CCND3: variants seen among roughly 807,000 people sequenced by gnomAD.
CCND3 encodes G1/S-specific cyclin-D3.
A neutral mutation model predicts 28.7 loss-of-function variants in CCND3; 9 were observed. The observed-to-expected ratio is 0.31, with a 90% CI of 0.19 to 0.55. CCND3 has a LOEUF of 0.55. CCND3 is among the 20% of genes least tolerant of loss of function. CCND3 has a pLI of 0.93. For missense variants in CCND3, 315 were observed against 385.8 expected (o/e 0.82, Z 1.54); for synonymous variants, 164 against 163.9 (o/e 1.00, Z 0.00).
chr6:42,022,090 G>C (rs9471733), intron 1 of CCND3, among the ~76,000 whole-genome samples: 31,097 of 152,202 alleles, frequency 0.2, 3,606 homozygotes, highest in East Asian at 0.34. Context: ...TGAAACAGTC[G>C]TGTGAGATGA....
Position 41,941,765 on chromosome 6 carries a change from C to T in CCND3, c.-116G>A. 1 of 573,532 alleles carries T rather than the reference C, an allele frequency of 1.7e-6. No individual in the cohort carries two copies. Among genetic ancestry groups the T allele is most frequent in the South Asian group, 1.0e-4 (1 of 9,910 alleles). 35.5% of individuals were successfully genotyped at this position (573,532 alleles called of 1,614,324 possible). ...CTGGCGCTGGCACTGCGCGGCGGAT[C>T]CCCAGCCCGCCCGCCGCCCGCGCGC... On this transcript the variant is annotated 5_prime_UTR_variant, in exon 1 of 5. Coordinates refer to ENST00000372991, the MANE Select transcript of CCND3 (RefSeq NM_001760.5). This position sits in a 1 kb window ranked among gnomAD's most constrained non-coding sequence, Gnocchi z 6.1.
chr6:42,034,196 G>A (rs1764129774), intron 1 of CCND3, among the ~76,000 whole-genome samples: 1 of 150,120 alleles, frequency 6.7e-6, no homozygotes, highest in Non-Finnish European at 1.5e-5. Flanking sequence ...TGCCCAGGCT[G>A]GAGTGCAGTG....
At chr6:42,002,114 TA>T (rs55946125) in intron 1 of CCND3, among the ~76,000 whole-genome samples, 11 of 142,650 alleles carry the variant, frequency 7.7e-5, no homozygotes, top group African/African-American at 2.3e-4. Flanking sequence ...AAACTTTCTT[TA>T]AAAAAAAAAA....
chr6:42,034,665 A>C (rs1313758932), intron 1 of CCND3, among the ~76,000 whole-genome samples: 1 of 150,912 alleles, frequency 6.6e-6, no homozygotes, highest in Non-Finnish European at 1.5e-5. Context: ...ATTTTAGTAG[A>C]GATGGGGTTT....
chr6:42,019,748 TG>T (rs1293957352), intron 1 of CCND3, among the ~76,000 whole-genome samples: 2 of 152,120 alleles, frequency 1.3e-5, no homozygotes, highest in Admixed American at 1.3e-4. Context: ...CTATTTGTAA[TG>T]TGTTTTTACA....
At chr6:41,956,164 C>A (rs1360001041) in intron 1 of CCND3, among the ~76,000 whole-genome samples, 2 of 151,906 alleles carry the variant, frequency 1.3e-5, no homozygotes, top group African/African-American at 4.8e-5. Context: ...TGGTGGTGGG[C>A]CCCTGTAATC....
intron 1 of CCND3, among the ~76,000 whole-genome samples, chr6:42,014,810 T>C (rs1425195726): frequency 6.6e-6 from 1 of 152,206 alleles, no homozygotes; most frequent in Non-Finnish European, 1.5e-5. Flanking sequence ...CAGTGATTAT[T>C]TCTGAGTAGT....
At position 41,936,472 on chromosome 6, in the gene CCND3, G is replaced by T; in HGVS notation, c.711+87C>A. On this transcript the variant is annotated intron_variant, in intron 4 of 4. Coordinates refer to ENST00000372991, the MANE Select transcript of CCND3 (RefSeq NM_001760.5). The surrounding 1 kb of genome is among the most constrained non-coding windows in gnomAD (Gnocchi z 4.4). ...GAAACCAGGACTTGGGACCAGGTTGGGGTTGGAGGTTTCCCTCTACTGGAG... is the reference window on the plus strand; with the variant it reads ...GAAACCAGGACTTGGGACCAGGTTGTGGTTGGAGGTTTCCCTCTACTGGAG... The T allele has an allele frequency of 6.8e-7, 1 of 1,473,418 alleles. No homozygotes were observed. The highest frequency in any genetic ancestry group is 9.3e-7 in the Non-Finnish European group (1 of 1,072,436). 91.3% of individuals were successfully genotyped at this position (1,473,418 alleles called of 1,614,324 possible). A position where few individuals can be genotyped will look rare whatever the true frequency, so the allele number is the denominator to read the frequency against.
At chr6:42,019,619 A>G (rs535361969) in intron 1 of CCND3, among the ~76,000 whole-genome samples, 2 of 152,252 alleles carry the variant, frequency 1.3e-5, no homozygotes, top group South Asian at 4.1e-4. Context: ...TGAAACTATC[A>G]GTGAGTTTGT....
intron 1 of CCND3, among the ~76,000 whole-genome samples, chr6:42,045,810 T>C (rs1380384558): frequency 1.3e-5 from 2 of 152,202 alleles, no homozygotes; most frequent in African/African-American, 4.8e-5. Flanking sequence ...CCCCAGAACT[T>C]TCCCCACCCC....
At chr6:42,040,270 T>C (rs1764331429) in intron 1 of CCND3, among the ~76,000 whole-genome samples, 2 of 151,718 alleles carry the variant, frequency 1.3e-5, no homozygotes, top group African/African-American at 4.8e-5. Flanking sequence ...ATACAAAAAT[T>C]AGCTGGGCAT....
At chr6:41,989,461 AAAAAAC>A (rs1192042995) in intron 1 of CCND3, among the ~76,000 whole-genome samples, 10 of 148,710 alleles carry the variant, frequency 6.7e-5, no homozygotes, top group East Asian at 3.9e-4. Flanking sequence ...TCTCAAAAAA[AAAAAAC>A]AAAAAAAAAA....
chr6:41,978,396 C>T (rs1050929321), intron 1 of CCND3, among the ~76,000 whole-genome samples: 6 of 150,258 alleles, frequency 4.0e-5, no homozygotes, highest in Admixed American at 3.3e-4. Context: ...ATTAGCCAGG[C>T]GTGGTGGCGC....
chr6:41,978,760 C>T (rs972976655), intron 1 of CCND3, among the ~76,000 whole-genome samples: 4 of 152,102 alleles, frequency 2.6e-5, no homozygotes, highest in Non-Finnish European at 5.9e-5. Context: ...TTGGTCATCT[C>T]TATATGGGTG....
Position 41,935,805 on chromosome 6 carries a change from C to T in CCND3, c.*135G>A, listed in dbSNP as rs979510457. The T allele has an allele frequency of 4.6e-6, 4 of 862,096 alleles. No individual in the cohort carries two copies. Among genetic ancestry groups the T allele is most frequent in the Non-Finnish European group, 5.5e-6 (3 of 540,770 alleles). 53.4% of individuals were successfully genotyped at this position (862,096 alleles called of 1,614,324 possible). On this transcript the variant is annotated 3_prime_UTR_variant, in exon 5 of 5. Transcript: ENST00000372991. Reference sequence around the variant, plus strand: ...TGCACACTGCGGGGATGGGTAGGACCAGATCCCTTGGGCTTTGTGAAGGGG... The same window carrying T: ...TGCACACTGCGGGGATGGGTAGGACTAGATCCCTTGGGCTTTGTGAAGGGG...
chr6:41,941,328 C>A lies in CCND3; in HGVS notation c.198+124G>T. The A allele has an allele frequency of 6.7e-7, 1 of 1,493,362 alleles. No homozygotes were observed. Among genetic ancestry groups the A allele is most frequent in the Non-Finnish European group, 8.9e-7 (1 of 1,124,272 alleles). 92.5% of individuals were successfully genotyped at this position (1,493,362 alleles called of 1,614,324 possible). On this transcript the variant is annotated intron_variant, in intron 1 of 4. Transcript: ENST00000372991. The surrounding 1 kb of genome is among the most constrained non-coding windows in gnomAD (Gnocchi z 6.1). The stretch of plus-strand genomic sequence containing the variant: ...GTGGGTGCCCTAGTGAAAGGCCAGG[C>A]CCCGGGAGTCTTAGCCTCGGAGCAT...
At chr6:41,989,972 G>C (rs953300623) in intron 1 of CCND3, among the ~76,000 whole-genome samples, 3 of 151,468 alleles carry the variant, frequency 2.0e-5, no homozygotes, top group Non-Finnish European at 4.4e-5. Flanking sequence ...AATTAGGCAA[G>C]AGAAAAAAAA....
At position 41,941,608 on chromosome 6, in the gene CCND3, C is replaced by A. The variant is rs1170886991; in HGVS notation, c.42G>T (p.Arg14=). Residue 14 remains arginine, a synonymous_variant, in exon 1 of 5, where the codon CGG becomes CGT. Coordinates refer to ENST00000372991, the MANE Select transcript of CCND3 (RefSeq NM_001760.5). The surrounding 1 kb of genome is among the most constrained non-coding windows in gnomAD (Gnocchi z 6.1). ...CCAGCAGCCGCGGGTCCGGCCCGGC[C>A]CGGGGCGCGTGCCGGGTGCCTTCGC... ...LCCEGTRHAP[R]AGPDPRLLGD... The A allele has an allele frequency of 1.3e-6, 2 of 1,526,994 alleles. No homozygotes were observed. Among genetic ancestry groups the A allele is most frequent in the African/African-American group, 1.4e-5 (1 of 72,114 alleles). The allele number at this position is 1,526,994 out of a possible 1,614,324, so 94.6% of individuals were successfully genotyped here.
intron 1 of CCND3, among the ~76,000 whole-genome samples, chr6:42,045,330 C>T (rs553386066): frequency 7.9e-5 from 12 of 152,320 alleles, no homozygotes; most frequent in Admixed American, 1.3e-4. Flanking sequence ...CTGCCACTTA[C>T]TAGCTAAATT....
Sources: allele counts gnomAD v4.1 joint callset (sites outside exome capture counted in the v4.1 genomes callset), GRCh38; gene constraint gnomAD v4.1.1; non-coding constraint Gnocchi (gnomAD v3.1); transcripts MANE v1.5; gene names NCBI Gene and HGNC (gene_info 2026-07-23, HGNC 2026-07-21).